The following TNFRSF10A variants were observed in gnomAD, a reference collection of about 807,000 sequenced individuals.
TNFRSF10A encodes TNF receptor superfamily member 10a, also known as tumor necrosis factor receptor superfamily member 10A.
TNFRSF10A carries 44 observed loss-of-function variants against 42.8 expected under a neutral mutation model. The ratio of observed to expected loss-of-function variants is 1.03; its 90% CI spans 0.81 to 1.32. TNFRSF10A has a LOEUF of 1.32. TNFRSF10A is among the 40% of genes most tolerant of loss of function. The pLI is 0.00. For missense variants in TNFRSF10A, 680 were observed against 602.0 expected, an observed-to-expected ratio of 1.13 and a Z score of -1.36; for synonymous variants, 259 against 234.2, an observed-to-expected ratio of 1.11 and a Z score of -0.97.
chr8:23,220,593 C>T (rs974077668), intron 1 of TNFRSF10A, among the ~76,000 whole-genome samples: 28 of 152,186 alleles, frequency 1.8e-4, no homozygotes, highest in African/African-American at 6.5e-4. Flanking sequence ...TGTGTGCTGC[C>T]GTGTAGGAGG....
chr8:23,200,034 G>A (rs551392193), intron 6 of TNFRSF10A, 117 bp from the exon 7 acceptor site: 11 of 1,298,188 alleles, frequency 8.5e-6, no homozygotes, highest in South Asian at 2.4e-5. Flanking sequence ...AAAGATCCCC[G>A]GGCCTGGGGA....
At chr8:23,223,051 G>A (rs58243655) in intron 1 of TNFRSF10A, among the ~76,000 whole-genome samples, 1 of 151,944 alleles carries the variant, frequency 6.6e-6, no homozygotes, top group Non-Finnish European at 1.5e-5. Context: ...ATTATCCAGC[G>A]TCAAGTTTTC....
intron 9 of TNFRSF10A, among the ~76,000 whole-genome samples, chr8:23,194,544 A>G (rs761261551): frequency 2.6e-4 from 40 of 152,220 alleles, no homozygotes; most frequent in Non-Finnish European, 5.0e-4. Context: ...TTTGATAAGT[A>G]AGATTAAATT....
intron 2 of TNFRSF10A, among the ~76,000 whole-genome samples, chr8:23,206,426 A>C (rs1329243741): frequency 6.6e-6 from 1 of 152,140 alleles, no homozygotes; most frequent in Non-Finnish European, 1.5e-5. Context: ...ATCTTTTTTA[A>C]CCTTTTATAC....
At chr8:23,212,524 C>CGA (rs1226267701) in intron 1 of TNFRSF10A, among the ~76,000 whole-genome samples, 1 of 152,210 alleles carries the variant, frequency 6.6e-6, no homozygotes, top group Non-Finnish European at 1.5e-5. Flanking sequence ...AAAATCATCA[C>CGA]GATCCATCCA....
At chr8:23,199,987 G>T in intron 6 of TNFRSF10A, 70 bp from the exon 7 acceptor site, 140 of 1,393,746 alleles carry the variant, frequency 1.0e-4, no homozygotes, top group Non-Finnish European at 1.4e-4. Flanking sequence ...AGAGGGCAGT[G>T]TTGGGCAGGG....
At chr8:23,200,480 G>A (rs1400335005) in intron 6 of TNFRSF10A, 25 bp downstream of exon 6, 2 of 1,611,582 alleles carry the variant, frequency 1.2e-6, no homozygotes, top group Non-Finnish European at 1.7e-6. Flanking sequence ...AGTGCCCAGA[G>A]CCCTTGCCCT....
At chr8:23,217,251 C>T (rs1801197407) in intron 1 of TNFRSF10A, among the ~76,000 whole-genome samples, 1 of 151,788 alleles carries the variant, frequency 6.6e-6, no homozygotes, top group African/African-American at 2.4e-5. Context: ...GAGTCTTGCT[C>T]TGTTGCCAGG....
chr8:23,206,053 T>A (rs917615437), intron 2 of TNFRSF10A, among the ~76,000 whole-genome samples: 1 of 152,140 alleles, frequency 6.6e-6, no homozygotes, highest in African/African-American at 2.4e-5. Context: ...AACAAAAAAA[T>A]TTTTAAGTAA....
intron 1 of TNFRSF10A, among the ~76,000 whole-genome samples, chr8:23,215,577 T>A (rs897880979): frequency 6.6e-6 from 1 of 152,196 alleles, no homozygotes; most frequent in African/African-American, 2.4e-5. Flanking sequence ...TTCCAATTCA[T>A]AGACAGCTTT....
chr8:23,216,069 C>G (rs1413928022), intron 1 of TNFRSF10A, among the ~76,000 whole-genome samples: 1 of 152,128 alleles, frequency 6.6e-6, no homozygotes, highest in Non-Finnish European at 1.5e-5. Flanking sequence ...TCGCCTGCCT[C>G]GGCCTCCCAA....
At chr8:23,208,037 G>A (rs996702089) in intron 2 of TNFRSF10A, among the ~76,000 whole-genome samples, 9 of 152,180 alleles carry the variant, frequency 5.9e-5, no homozygotes, top group Admixed American at 1.3e-4. Flanking sequence ...GGGCTCAGAC[G>A]AAGATAGGAA....
intron 2 of TNFRSF10A, among the ~76,000 whole-genome samples, chr8:23,211,183 A>C (rs913306427): frequency 2.0e-5 from 3 of 152,234 alleles, no homozygotes; most frequent in Admixed American, 2.0e-4. Flanking sequence ...AAAAACATTA[A>C]GAATAACAAA....
chr8:23,225,069 G>A lies in TNFRSF10A; in HGVS notation c.-8C>T. Reference sequence around the variant, plus strand: ...AGCTGGTGGTGGCGCCATCCTGCCAGGTCAATCCAAGAAGCAGCGTGCTTG... The same window carrying A: ...AGCTGGTGGTGGCGCCATCCTGCCAAGTCAATCCAAGAAGCAGCGTGCTTG... On this transcript the variant is annotated 5_prime_UTR_variant, in exon 1 of 10. Coordinates refer to ENST00000221132, the MANE Select transcript of TNFRSF10A (RefSeq NM_003844.4). The A allele has an allele frequency of 1.3e-6, 2 of 1,508,536 alleles. No homozygotes were observed. Among genetic ancestry groups the A allele is most frequent in the Non-Finnish European group, 1.8e-6 (2 of 1,129,734 alleles). The allele number at this position is 1,508,536 out of a possible 1,614,324, so 93.4% of individuals were successfully genotyped here. A position where few individuals can be genotyped will look rare whatever the true frequency, so the allele number is the denominator to read the frequency against.
In TNFRSF10A at chr8:23,224,775, AC is replaced by A. The variant is rs1480636742; in HGVS notation, c.286del (p.Val96SerfsTer147). The A allele has an allele frequency of 1.9e-6, 3 of 1,568,920 alleles. No individual in the cohort carries two copies. The South Asian group carries it at 3.5e-5, about 18-fold the overall frequency. On this transcript the variant is annotated frameshift_variant, in exon 1 of 10. Coordinates refer to ENST00000221132, the MANE Select transcript of TNFRSF10A (RefSeq NM_003844.4). LOFTEE classifies it high-confidence loss of function. Reference sequence around the variant, plus strand: ...ACTCACCTGCAGCAGGACCCCGACGACGACAAACTTGAAGGTCTTGTGGACC... The same window carrying A: ...ACTCACCTGCAGCAGGACCCCGACGAGACAAACTTGAAGGTCTTGTGGACC... ...LRVHKTFKFV[V>X]VGVLLQVVPS... is the part of the protein sequence containing the mutation.
At position 23,199,400 on chromosome 8, in the gene TNFRSF10A, T is replaced by C. The variant is rs1438552949; in HGVS notation, c.880A>G (p.Asn294Asp). 1.9e-6 allele frequency: 3 copies of C among 1,614,060 alleles called. No homozygotes were observed. Among genetic ancestry groups the C allele is most frequent in the Non-Finnish European group, 2.5e-6 (3 of 1,179,902 alleles). The change falls in exon 8 of 10, where the codon AAT becomes GAT. Residue 294 changes from asparagine to aspartate, a missense_variant. By Grantham distance (23) the Asn-to-Asp change is conservative. Transcript: ENST00000221132. ...GLLRGPGAED[N>D]AHNEILSNAD... is the part of the protein sequence containing the mutation. Reference sequence around the variant, plus strand: ...TTGCTCAGAATCTCGTTGTGAGCATTGTCCTCAGCCCCAGGCCCTCGTAGG... The same window carrying C: ...TTGCTCAGAATCTCGTTGTGAGCATCGTCCTCAGCCCCAGGCCCTCGTAGG...
intron 1 of TNFRSF10A, 111 bp downstream of exon 1, chr8:23,224,645 C>G: frequency 1.5e-6 from 2 of 1,370,496 alleles, no homozygotes; most frequent in Non-Finnish European, 2.0e-6. Flanking sequence ...CCCGGACATG[C>G]CCCGCCACAA....
intron 1 of TNFRSF10A, among the ~76,000 whole-genome samples, chr8:23,214,356 C>T (rs370841473): frequency 3.3e-5 from 5 of 151,854 alleles, no homozygotes; most frequent in South Asian, 4.2e-4. Context: ...GGCGTGGTGG[C>T]GGGTGCCTGT....
chr8:23,209,812 C>T (rs148088684), intron 2 of TNFRSF10A, among the ~76,000 whole-genome samples: 296 of 152,276 alleles, frequency 1.9e-3, no homozygotes, highest in African/African-American at 6.6e-3. Flanking sequence ...GGTGAACTTC[C>T]GAGCTAATGC....
Sources: allele counts gnomAD v4.1 joint callset (sites outside exome capture counted in the v4.1 genomes callset), GRCh38; gene constraint gnomAD v4.1.1; transcripts MANE v1.5; gene names NCBI Gene and HGNC (gene_info 2026-07-23, HGNC 2026-07-21).